HPRT1: variants seen among roughly 807,000 people sequenced by gnomAD.
HPRT1 encodes the protein hypoxanthine-guanine phosphoribosyltransferase.
Under a neutral mutation model 19.0 loss-of-function variants are expected in HPRT1, and 4 were observed. That is an observed-to-expected ratio of 0.21 (90% CI 0.10 to 0.48). HPRT1 has a LOEUF of 0.48. Ranked by LOEUF, HPRT1 falls within the 20% of genes least tolerant of loss-of-function variation. HPRT1 has a pLI of 0.98. For missense variants in HPRT1, 65 were observed against 164.0 expected, an observed-to-expected ratio of 0.40 and a Z score of 3.30; for synonymous variants, 53 against 54.9, an observed-to-expected ratio of 0.97 and a Z score of 0.15.
At chrX:134,473,488 GT>G in intron 2 of HPRT1, 23 bp downstream of exon 2, 1 of 942,613 alleles carries the variant, frequency 1.1e-6, no homozygotes, top group Non-Finnish European at 1.5e-6. Flanking sequence ...TTAAAATGAG[GT>G]TTTTTACTTT....
rs748658007 is a variant in HPRT1, at chrX:134,486,539, C to T, written c.384+9C>T. The T allele has an allele frequency of 3.8e-5, 41 of 1,076,039 alleles. No individual in the cohort carries two copies. Among genetic ancestry groups the T allele is most frequent in the Non-Finnish European group, 4.9e-5 (38 of 780,116 alleles). The allele number at this position is 1,076,039 out of a possible 1,213,427, so 88.7% of individuals were successfully genotyped here. A position where few individuals can be genotyped will look rare whatever the true frequency, so the allele number is the denominator to read the frequency against. On this transcript the variant is annotated intron_variant, in intron 4 of 8. Coordinates refer to ENST00000298556, the MANE Select transcript of HPRT1 (RefSeq NM_000194.3). ...CAACTTTAACTGGAAAGGTATGTAT[C>T]TTGAAAGGGAAGAAAAAAAAGCACT...
intron 3 of HPRT1, among the ~76,000 whole-genome samples, chrX:134,479,274 A>ATT (rs1263342628): frequency 9.3e-6 from 1 of 107,175 alleles, no homozygotes; most frequent in African/African-American, 3.4e-5. Context: ...TTTTATAGTG[A>ATT]TTTTTTTTTT....
rs142718968 is a variant in HPRT1 at position 134,486,925 on chromosome X, C to T, written c.384+395C>T. Among the ~76,000 whole-genome samples the T allele has an allele frequency of 3.0e-3, 332 of 109,982 alleles. 4 individuals carry two copies. The highest frequency in any genetic ancestry group is 4.7e-3 in the Middle Eastern group (1 of 213). ...ATGTAGTGGCTGAAAGTGTGAGTTCCGGAGCCTGACAACTGATTCAAAGCA... is the reference window on the plus strand; with the variant it reads ...ATGTAGTGGCTGAAAGTGTGAGTTCTGGAGCCTGACAACTGATTCAAAGCA... On this transcript the variant is annotated intron_variant, in intron 4 of 8. Coordinates refer to ENST00000298556, the MANE Select transcript of HPRT1 (RefSeq NM_000194.3).
Position 134,460,185 on chromosome X carries a change from A to G in HPRT1, c.-127A>G. On this transcript the variant is annotated 5_prime_UTR_variant, in exon 1 of 9. Transcript: ENST00000298556. ...TCCTCAGCTTCAGGCGGCTGCGACG[A>G]GCCCTCAGGCGAACCTCTCGGCTTT... 1 of 693,588 alleles carries G rather than the reference A, an allele frequency of 1.4e-6. No individual in the cohort carries two copies. Among genetic ancestry groups the G allele is most frequent in the Non-Finnish European group, 2.1e-6 (1 of 478,191 alleles). The allele number at this position is 693,588 out of a possible 1,213,427, so 57.2% of individuals were successfully genotyped here. A position where few individuals can be genotyped will look rare whatever the true frequency, so the allele number is the denominator to read the frequency against.
chrX:134,494,365 T>C (rs1341209723), intron 6 of HPRT1, among the ~76,000 whole-genome samples: 1 of 112,311 alleles, frequency 8.9e-6, no homozygotes, highest in Non-Finnish European at 1.9e-5. Flanking sequence ...AGTCTGCAGT[T>C]TTTATGTAGG....
intron 1 of HPRT1, among the ~76,000 whole-genome samples, chrX:134,471,875 G>A (rs1217664051): frequency 8.9e-6 from 1 of 112,003 alleles, no homozygotes. Context: ...CTGACCTCAG[G>A]TGATACGCCC....
intron 1 of HPRT1, among the ~76,000 whole-genome samples, chrX:134,472,501 C>T (rs898546097): frequency 2.7e-5 from 3 of 111,983 alleles, no homozygotes; most frequent in Non-Finnish European, 5.6e-5. Flanking sequence ...AATTCCATAT[C>T]TTATCACTTT....
At chrX:134,462,177 T>G (rs186671257) in intron 1 of HPRT1, among the ~76,000 whole-genome samples, 1 of 110,349 alleles carries the variant, frequency 9.1e-6, no homozygotes, top group Non-Finnish European at 1.9e-5. Context: ...TTTATTTTAT[T>G]TATTTATTTA....
chrX:134,488,725 A>G (rs1052573210), intron 4 of HPRT1, among the ~76,000 whole-genome samples: 8 of 111,100 alleles, frequency 7.2e-5, no homozygotes, highest in Admixed American at 2.9e-4. Context: ...CCATGCTGGG[A>G]TTCATTTGAA....
Position 134,500,395 on chromosome X carries a change from TTA to T in HPRT1, c.*319_*320del. The stretch of plus-strand genomic sequence containing the variant: ...CTGTAAGAAATAAAGAGAAGATATA[TTA>T]GTTTTTTAATTGGTATTTTAATTTT... On this transcript the variant is annotated 3_prime_UTR_variant, in exon 9 of 9. Transcript: ENST00000298556. The T allele has an allele frequency of 1.0e-5, 2 of 193,989 alleles. No individual in the cohort carries two copies. Among genetic ancestry groups the T allele is most frequent in the Non-Finnish European group, 1.9e-5 (2 of 105,340 alleles). The allele number at this position is 193,989 out of a possible 1,213,427, so 16.0% of individuals were successfully genotyped here.
intron 1 of HPRT1, among the ~76,000 whole-genome samples, chrX:134,471,328 A>G (rs1422519010): frequency 9.0e-6 from 1 of 111,705 alleles, no homozygotes; most frequent in East Asian, 2.8e-4. Flanking sequence ...GTATATAGGT[A>G]CATATATAGT....
intron 4 of HPRT1, among the ~76,000 whole-genome samples, chrX:134,487,271 G>A (rs1569357612): frequency 9.0e-6 from 1 of 111,435 alleles, no homozygotes; most frequent in Non-Finnish European, 1.9e-5. Context: ...TTGACCCATT[G>A]GTTGTTCAGG....
intron 6 of HPRT1, among the ~76,000 whole-genome samples, chrX:134,497,070 C>T (rs1389950629): frequency 1.8e-5 from 2 of 112,017 alleles, no homozygotes; most frequent in Non-Finnish European, 3.8e-5. Context: ...GTAGAGTTGA[C>T]TTATACCACC....
At chrX:134,484,089 CTT>C (rs1445011919) in intron 3 of HPRT1, among the ~76,000 whole-genome samples, 2 of 111,780 alleles carry the variant, frequency 1.8e-5, no homozygotes, top group African/African-American at 6.5e-5. Context: ...TTGGAGTTCT[CTT>C]GTTTCTTGTC....
intron 2 of HPRT1, among the ~76,000 whole-genome samples, chrX:134,474,183 C>T (rs1290778749): frequency 9.0e-6 from 1 of 111,601 alleles, no homozygotes; most frequent in African/African-American, 3.3e-5. Flanking sequence ...ATGGAGATAC[C>T]ATAACTGATT....
At chrX:134,496,395 C>A (rs1401008109) in intron 6 of HPRT1, among the ~76,000 whole-genome samples, 1 of 112,004 alleles carries the variant, frequency 8.9e-6, no homozygotes, top group African/African-American at 3.2e-5. Flanking sequence ...TACCCATTTA[C>A]AGTATGGAAA....
intron 4 of HPRT1, 91 bp downstream of exon 4, chrX:134,486,621 A>G (rs776022783): frequency 3.6e-6 from 2 of 554,289 alleles, no homozygotes; most frequent in African/African-American, 4.6e-5. Flanking sequence ...GAGATAATTT[A>G]CATAGTATAA....
intron 3 of HPRT1, 114 bp from the exon 4 acceptor site, chrX:134,486,351 T>G: frequency 2.9e-6 from 1 of 340,246 alleles, no homozygotes; most frequent in South Asian, 9.0e-5. Context: ...CTAGCTAACT[T>G]CTCAAATCTT....
intron 6 of HPRT1, among the ~76,000 whole-genome samples, chrX:134,497,887 C>G (rs1042201334): frequency 9.4e-6 from 1 of 106,041 alleles, no homozygotes; most frequent in Non-Finnish European, 1.9e-5. Context: ...GCAGAGCTTG[C>G]AGTGAGCGGA....
Sources: allele counts gnomAD v4.1 joint callset (sites outside exome capture counted in the v4.1 genomes callset), GRCh38; gene constraint gnomAD v4.1.1; transcripts MANE v1.5; gene names NCBI Gene and HGNC (gene_info 2026-07-23, HGNC 2026-07-21).